GLP2R: variants seen among roughly 807,000 people sequenced by gnomAD.
The protein encoded by GLP2R is glucagon-like peptide 2 receptor.
A neutral mutation model predicts 68.2 loss-of-function variants in GLP2R; 59 were observed. The observed-to-expected ratio is 0.87, with a 90% CI of 0.70 to 1.07. The LOEUF (loss-of-function observed/expected upper bound fraction) is 1.07, where lower values mean the gene tolerates loss of function less well. Ranked by LOEUF, GLP2R falls within the 50% of genes least tolerant of loss-of-function variation. The pLI is 0.00. For missense variants in GLP2R, 548 were observed against 677.4 expected (o/e 0.81, Z 2.12); for synonymous variants, 270 against 265.4 (o/e 1.02, Z -0.17).
chr17:9,862,170 C>A, intron 9 of GLP2R, 80 bp downstream of exon 9: 1 of 995,092 alleles, frequency 1.0e-6, no homozygotes, highest in Non-Finnish European at 1.6e-6. Flanking sequence ...GACTTCTGTC[C>A]CCCAGGTTCT....
chr17:9,836,039 C>CAAAAAAAAA (rs10706067), intron 2 of GLP2R, among the ~76,000 whole-genome samples: 4 of 87,198 alleles, frequency 4.6e-5, no homozygotes, highest in Admixed American at 1.3e-4. Flanking sequence ...ACTCCATCTC[C>CAAAAAAAAA]AAAAAAAAAA....
chr17:9,859,023 C>A lies in GLP2R; in HGVS notation c.766-919C>A, dbSNP rs1000989327. Reference sequence around the variant, plus strand: ...CTTTCTTTGGGCTTAATTTGCTATTCTTTTTCTAACTTTTTTTTACATGAT... The same window carrying A: ...CTTTCTTTGGGCTTAATTTGCTATTATTTTTCTAACTTTTTTTTACATGAT... On this transcript the variant is annotated intron_variant, in intron 6 of 12. Transcript: ENST00000262441. Among the ~76,000 whole-genome samples, 3 of 152,030 alleles carry A rather than the reference C, an allele frequency of 2.0e-5. No homozygotes were observed. The East Asian group carries it at 5.8e-4, about 29-fold the overall frequency.
intron 11 of GLP2R, among the ~76,000 whole-genome samples, chr17:9,881,467 G>C (rs12452168): frequency 0.19 from 24,137 of 127,172 alleles, 2,980 homozygotes; most frequent in East Asian, 0.51. Context: ...TGCAAGCTCC[G>C]CCTCCCGGGT....
intron 4 of GLP2R, among the ~76,000 whole-genome samples, chr17:9,851,336 T>G (rs2066889734): frequency 6.6e-6 from 1 of 152,250 alleles, no homozygotes; most frequent in Non-Finnish European, 1.5e-5. Flanking sequence ...AGGTGTTTCA[T>G]AGTCTATCTG....
At chr17:9,854,936 C>G (rs1259783241) in intron 5 of GLP2R, among the ~76,000 whole-genome samples, 4 of 152,084 alleles carry the variant, frequency 2.6e-5, no homozygotes, top group African/African-American at 4.8e-5. Context: ...CTATGTTCAC[C>G]CTTCTTTTTG....
chr17:9,833,022 G>A (rs1035009274), intron 1 of GLP2R, among the ~76,000 whole-genome samples: 1 of 152,026 alleles, frequency 6.6e-6, no homozygotes, highest in Non-Finnish European at 1.5e-5. Flanking sequence ...CAGCACTTTG[G>A]GAAGCTGAGG....
chr17:9,869,671 C>A (rs932503133), intron 9 of GLP2R, among the ~76,000 whole-genome samples: 1 of 152,208 alleles, frequency 6.6e-6, no homozygotes, highest in African/African-American at 2.4e-5. Context: ...GATCTCCCAA[C>A]AGGCTGCTTG....
chr17:9,827,857 G>A (rs1456794230), intron 1 of GLP2R, among the ~76,000 whole-genome samples: 1 of 151,696 alleles, frequency 6.6e-6, no homozygotes, highest in Non-Finnish European at 1.5e-5. Context: ...AGTTGCTCAG[G>A]AGGCTGAGGC....
intron 1 of GLP2R, among the ~76,000 whole-genome samples, chr17:9,831,390 C>A (rs2066678236): frequency 6.6e-6 from 1 of 152,108 alleles, no homozygotes; most frequent in South Asian, 2.1e-4. Context: ...TCTCAGTCCT[C>A]AAGGAGCTTA....
intron 5 of GLP2R, among the ~76,000 whole-genome samples, chr17:9,855,360 G>A (rs1308122125): frequency 3.3e-5 from 5 of 152,222 alleles, no homozygotes; most frequent in African/African-American, 9.6e-5. Flanking sequence ...TACACAGCTA[G>A]AATTTGAACC....
chr17:9,870,374 TTAA>T (rs1473502186), intron 9 of GLP2R, among the ~76,000 whole-genome samples: 1 of 152,176 alleles, frequency 6.6e-6, no homozygotes, highest in Non-Finnish European at 1.5e-5. Flanking sequence ...TACGTGGTAG[TTAA>T]TAATAATAAC....
intron 4 of GLP2R, among the ~76,000 whole-genome samples, chr17:9,846,901 T>C (rs2066843918): frequency 6.6e-6 from 1 of 152,168 alleles, no homozygotes; most frequent in African/African-American, 2.4e-5. Context: ...GGAGACATGG[T>C]TGCCTGTAGA....
intron 1 of GLP2R, among the ~76,000 whole-genome samples, chr17:9,829,786 A>G (rs2066664066): frequency 6.6e-6 from 1 of 152,228 alleles, no homozygotes; most frequent in South Asian, 2.1e-4. Context: ...GAGTAATGAG[A>G]TGATAATTTC....
rs1292989067 is a variant in GLP2R at position 9,890,011 on chromosome 17, T to A, written c.*306T>A. The A allele has an allele frequency of 2.0e-6, 1 of 498,152 alleles. No homozygotes were observed. 30.9% of individuals were successfully genotyped at this position (498,152 alleles called of 1,614,324 possible). On this transcript the variant is annotated 3_prime_UTR_variant, in exon 13 of 13. Coordinates refer to ENST00000262441, the MANE Select transcript of GLP2R (RefSeq NM_004246.3). ...AATGAAGTCCCACCATGAAGAGAGG[T>A]CTCCTGTTATAGAGAAGCCAGCCAA...
At chr17:9,828,348 C>A (rs1327505311) in intron 1 of GLP2R, among the ~76,000 whole-genome samples, 4 of 152,176 alleles carry the variant, frequency 2.6e-5, no homozygotes, top group Admixed American at 2.6e-4. Flanking sequence ...AGTGGTGGGA[C>A]CATTTGGTGG....
intron 4 of GLP2R, among the ~76,000 whole-genome samples, chr17:9,843,192 C>T (rs1003716214): frequency 6.6e-6 from 1 of 152,196 alleles, no homozygotes; most frequent in Admixed American, 6.5e-5. Flanking sequence ...GTCAGGCAGC[C>T]CTATTTCCAT....
rs572518489 is a variant in GLP2R, at chr17:9,833,237, C to T, written c.190-570C>T. Among the ~76,000 whole-genome samples, 31 of 151,740 alleles carry T rather than the reference C, an allele frequency of 2.0e-4. No individual in the cohort carries two copies. The East Asian group carries it at 2.5e-3, about 12-fold the overall frequency. ...TGAGATCGCACCATTGCACTCCAGC[C>T]TGGTAACAGATTAAGACTCTGTCTT... On this transcript the variant is annotated intron_variant, in intron 1 of 12. Coordinates refer to ENST00000262441, the MANE Select transcript of GLP2R (RefSeq NM_004246.3).
At chr17:9,864,506 G>T (rs1393233778) in intron 9 of GLP2R, among the ~76,000 whole-genome samples, 3 of 146,774 alleles carry the variant, frequency 2.0e-5, no homozygotes, top group Admixed American at 6.7e-5. Context: ...TTGTTTGTTT[G>T]TTTGTTTGTT....
At chr17:9,883,884 G>T (rs567791873) in intron 11 of GLP2R, among the ~76,000 whole-genome samples, 1 of 152,100 alleles carries the variant, frequency 6.6e-6, no homozygotes, top group Non-Finnish European at 1.5e-5. Flanking sequence ...GGAAGAAAAC[G>T]ACAACAGACA....
Sources: gnomAD v4.1 joint callset for allele counts (sites outside exome capture counted in the v4.1 genomes callset) on GRCh38, gnomAD v4.1.1 for gene constraint, MANE v1.5 for transcripts, NCBI Gene and HGNC (gene_info 2026-07-23, HGNC 2026-07-21) for gene names.